BMP2K: variants seen among roughly 807,000 people sequenced by gnomAD.
The protein encoded by BMP2K is BMP-2-inducible protein kinase.
Under a neutral mutation model 116.0 loss-of-function variants are expected in BMP2K, and 74 were observed. That is an observed-to-expected ratio of 0.64 (90% CI 0.53 to 0.77). The LOEUF (loss-of-function observed/expected upper bound fraction) is 0.77, where lower values mean the gene tolerates loss of function less well. Among genes scored for constraint, BMP2K ranks in the 30% least tolerant of loss-of-function variants. The pLI, the probability that BMP2K is intolerant of heterozygous loss-of-function variation, is 0.00. For synonymous variants in BMP2K, 486 were observed against 502.5 expected (o/e 0.97, Z 0.44); for missense variants, 1,365 against 1,403.6 (o/e 0.97, Z 0.44).
At chr4:78,895,284 A>G (rs1027065169) in intron 15 of BMP2K, among the ~76,000 whole-genome samples, 3 of 152,136 alleles carry the variant, frequency 2.0e-5, no homozygotes, top group Non-Finnish European at 4.4e-5. Context: ...AAAAACGTAC[A>G]CCTGTATTTA....
At chr4:78,904,918 T>C (rs1160177140) in intron 15 of BMP2K, among the ~76,000 whole-genome samples, 2 of 151,952 alleles carry the variant, frequency 1.3e-5, no homozygotes, top group African/African-American at 2.4e-5. Flanking sequence ...AATGAATCTT[T>C]GAAAATTTGG....
intron 15 of BMP2K, among the ~76,000 whole-genome samples, chr4:78,899,368 G>T (rs1374357504): frequency 1.3e-5 from 2 of 152,158 alleles, no homozygotes; most frequent in Non-Finnish European, 2.9e-5. Context: ...GTCAAGAAAA[G>T]AGTTCACATT....
intron 7 of BMP2K, among the ~76,000 whole-genome samples, chr4:78,856,333 A>G (rs372368642): frequency 4.6e-5 from 7 of 152,066 alleles, no homozygotes; most frequent in African/African-American, 1.4e-4. Flanking sequence ...TACAGGCAAG[A>G]GTCACCATGC....
intron 1 of BMP2K, among the ~76,000 whole-genome samples, chr4:78,785,721 C>CT (rs970720526): frequency 6.6e-5 from 10 of 152,172 alleles, no homozygotes; most frequent in African/African-American, 2.2e-4. Context: ...AAAGTTTACC[C>CT]TTGATATGTG....
At chr4:78,793,727 A>G (rs995433758) in intron 1 of BMP2K, among the ~76,000 whole-genome samples, 3 of 152,164 alleles carry the variant, frequency 2.0e-5, no homozygotes, top group African/African-American at 7.2e-5. Context: ...TGTGAATAAA[A>G]TGCACTTGGA....
chr4:78,872,202 T>G (rs2110060215), intron 12 of BMP2K: 1 of 344,562 alleles, frequency 2.9e-6, no homozygotes, highest in African/African-American at 2.1e-5. Context: ...ATGTCTTACC[T>G]ATAGTCTTTC....
intron 10 of BMP2K, among the ~76,000 whole-genome samples, chr4:78,867,471 G>A (rs938596841): frequency 5.9e-5 from 9 of 152,108 alleles, no homozygotes; most frequent in African/African-American, 1.2e-4. Flanking sequence ...GTCAGGGGCC[G>A]TGTTTCTCTT....
Position 78,781,664 on chromosome 4 carries a change from C to T in BMP2K, c.178+4943C>T, listed in dbSNP as rs74652565. On this transcript the variant is annotated intron_variant, in intron 1 of 15. Transcript: ENST00000502613. ...GGAGAGTGTAGAATGAGAAGGTGCTCATTGAAGGACTCCTATAGTGCATTG... is the reference window on the plus strand; with the variant it reads ...GGAGAGTGTAGAATGAGAAGGTGCTTATTGAAGGACTCCTATAGTGCATTG... Among the ~76,000 whole-genome samples the T allele has an allele frequency of 5.3e-3, 799 of 152,094 alleles. 1 individual carries two copies. Among genetic ancestry groups the T allele is most frequent in the Non-Finnish European group, 9.0e-3 (609 of 68,000 alleles).
chr4:78,837,973 G>A (rs1385390215), intron 3 of BMP2K, among the ~76,000 whole-genome samples: 2 of 151,986 alleles, frequency 1.3e-5, no homozygotes, highest in African/African-American at 4.8e-5. Context: ...TCTTTTCCTT[G>A]CTGTATTAGT....
chr4:78,793,142 T>C (rs993841395), intron 1 of BMP2K, among the ~76,000 whole-genome samples: 4 of 152,168 alleles, frequency 2.6e-5, no homozygotes, highest in African/African-American at 9.7e-5. Context: ...CCGGGTGCGG[T>C]GGCTCAAGCC....
chr4:78,807,241 C>T (rs1321331922), intron 1 of BMP2K, among the ~76,000 whole-genome samples: 1 of 152,138 alleles, frequency 6.6e-6, no homozygotes, highest in African/African-American at 2.4e-5. Context: ...CGTTTTATTA[C>T]ATTGGTTGAT....
chr4:78,796,139 G>C (rs964994873), intron 1 of BMP2K, among the ~76,000 whole-genome samples: 25 of 152,106 alleles, frequency 1.6e-4, no homozygotes, highest in African/African-American at 4.8e-4. Flanking sequence ...TTGGAACCAA[G>C]CCAAATGTCC....
intron 1 of BMP2K, among the ~76,000 whole-genome samples, chr4:78,781,349 T>C (rs185664030): frequency 6.6e-6 from 1 of 152,090 alleles, no homozygotes; most frequent in Non-Finnish European, 1.5e-5. Context: ...GTGGTGGTCA[T>C]AGGAAGTGTT....
intron 15 of BMP2K, among the ~76,000 whole-genome samples, chr4:78,901,435 GAGTTA>G (rs1401340727): frequency 2.0e-5 from 3 of 152,122 alleles, no homozygotes; most frequent in Non-Finnish European, 4.4e-5. Context: ...AGGATTAAAT[GAGTTA>G]TGCTAGTTTT....
At position 78,910,755 on chromosome 4, in the gene BMP2K, G is replaced by C; in HGVS notation, c.2208G>C (p.Gly736=). The C allele has an allele frequency of 6.2e-7, 1 of 1,613,890 alleles. No homozygotes were observed. Among genetic ancestry groups the C allele is most frequent in the Non-Finnish European group, 8.5e-7 (1 of 1,179,852 alleles). Reference sequence around the variant, plus strand: ...CAGTACAGGGTCAAGTGCAAAAGGGGAATGATGAATCTGAAAGTGATTTTG... The same window carrying C: ...CAGTACAGGGTCAAGTGCAAAAGGGCAATGATGAATCTGAAAGTGATTTTG... ...KTSVQGQVQK[G]NDESESDFES... The change falls in exon 16 of 16, where the codon GGG becomes GGC. Residue 736 remains glycine, a synonymous_variant. Coordinates refer to ENST00000502613, the MANE Select transcript of BMP2K (RefSeq NM_198892.2).
intron 9 of BMP2K, among the ~76,000 whole-genome samples, chr4:78,863,793 C>T (rs562026919): frequency 2.5e-4 from 38 of 152,264 alleles, no homozygotes; most frequent in African/African-American, 8.9e-4. Flanking sequence ...ACATAGAATG[C>T]CTGGTTTCTT....
intron 4 of BMP2K, among the ~76,000 whole-genome samples, chr4:78,842,745 C>T (rs1730819357): frequency 6.6e-6 from 1 of 151,922 alleles, no homozygotes; most frequent in Admixed American, 6.6e-5. Context: ...AGATTTTGTA[C>T]CTTCTACCCT....
intron 1 of BMP2K, among the ~76,000 whole-genome samples, chr4:78,819,699 C>T (rs1578494493): frequency 6.6e-6 from 1 of 152,298 alleles, no homozygotes. Flanking sequence ...CTTGCTTCCA[C>T]CTTCCCCTTG....
chr4:78,813,306 C>T (rs1729175681), intron 1 of BMP2K, among the ~76,000 whole-genome samples: 1 of 152,186 alleles, frequency 6.6e-6, no homozygotes. Flanking sequence ...TAAATTGCAG[C>T]AGATTTACTG....
Sources: allele counts gnomAD v4.1 joint callset (sites outside exome capture counted in the v4.1 genomes callset), GRCh38; gene constraint gnomAD v4.1.1; transcripts MANE v1.5; gene names NCBI Gene and HGNC (gene_info 2026-07-23, HGNC 2026-07-21).